The following MAML2 variants were observed in gnomAD, a reference collection of about 807,000 sequenced individuals.
MAML2 encodes the protein mastermind-like protein 2.
MAML2 carries 22 observed loss-of-function variants against 96.1 expected under a neutral mutation model. The ratio of observed to expected loss-of-function variants is 0.23; its 90% CI spans 0.16 to 0.33. The LOEUF (loss-of-function observed/expected upper bound fraction) is 0.33. Ranked by LOEUF, MAML2 falls within the 10% of genes least tolerant of loss-of-function variation. The pLI is 1.00. For synonymous variants in MAML2, 561 were observed against 521.3 expected, an observed-to-expected ratio of 1.08 and a Z score of -1.04; for missense variants, 1,367 against 1,392.4, an observed-to-expected ratio of 0.98 and a Z score of 0.29.
At chr11:96,027,524 A>G (rs903521852) in intron 2 of MAML2, among the ~76,000 whole-genome samples, 2 of 152,104 alleles carry the variant, frequency 1.3e-5, no homozygotes, top group African/African-American at 4.8e-5. Context: ...AATAAACACA[A>G]TGTGAAAAGT....
Position 96,243,747 on chromosome 11 carries a change from A to G in MAML2, c.513+97636T>C, listed in dbSNP as rs570551687. On this transcript the variant is annotated intron_variant, in intron 1 of 4. Coordinates refer to ENST00000524717, the MANE Select transcript of MAML2 (RefSeq NM_032427.4). ...TGTCTCACTGCAAGCTCCGCCTCCC[A>G]GGTTCATGCCATTCTCCTGCCTCAG... Among the ~76,000 whole-genome samples, 22 of 145,162 alleles carry G rather than the reference A, an allele frequency of 1.5e-4. 1 individual carries two copies. In the South Asian group the frequency reaches 2.1e-3, roughly 14 times the overall value.
intron 1 of MAML2, among the ~76,000 whole-genome samples, chr11:96,210,238 T>C (rs1469224955): frequency 6.6e-6 from 1 of 152,110 alleles, no homozygotes; most frequent in Non-Finnish European, 1.5e-5. Flanking sequence ...GCCTCTCAAA[T>C]AGCTGGGATT....
intron 1 of MAML2, among the ~76,000 whole-genome samples, chr11:96,153,777 G>A (rs1409106020): frequency 6.6e-6 from 1 of 152,060 alleles, no homozygotes; most frequent in African/African-American, 2.4e-5. Context: ...TGTGTGTGGT[G>A]GCACACACCT....
At chr11:96,149,831 CCTT>C (rs1860891531) in intron 1 of MAML2, among the ~76,000 whole-genome samples, 2 of 152,042 alleles carry the variant, frequency 1.3e-5, no homozygotes, top group Non-Finnish European at 1.5e-5. Context: ...CTCTCGGTCT[CCTT>C]CTCCTTCTCT....
At chr11:96,071,960 A>G (rs1190834392) in intron 2 of MAML2, among the ~76,000 whole-genome samples, 1 of 152,212 alleles carries the variant, frequency 6.6e-6, no homozygotes, top group Non-Finnish European at 1.5e-5. Context: ...GTCCGTCTTC[A>G]GTTATCTTGA....
intron 2 of MAML2, among the ~76,000 whole-genome samples, chr11:96,029,058 A>G (rs1441900972): frequency 6.6e-6 from 1 of 152,118 alleles, no homozygotes; most frequent in Non-Finnish European, 1.5e-5. Flanking sequence ...AAACATTTTG[A>G]ACTGAATTTT....
chr11:96,147,685 A>G (rs1451521612), intron 1 of MAML2, among the ~76,000 whole-genome samples: 3 of 152,262 alleles, frequency 2.0e-5, no homozygotes, highest in Non-Finnish European at 2.9e-5. Context: ...TTTCTGGCTA[A>G]AACCCTTCTT....
chr11:96,021,636 G>A (rs571852195), intron 2 of MAML2, among the ~76,000 whole-genome samples: 66 of 152,278 alleles, frequency 4.3e-4, no homozygotes, highest in Admixed American at 2.2e-3. Flanking sequence ...CTGGTACAGC[G>A]GCTGGCAATG....
Position 96,342,537 on chromosome 11 carries a change from T to G in MAML2, c.-642A>C. 1 of 397,840 alleles carries G rather than the reference T, an allele frequency of 2.5e-6. No homozygotes were observed. The highest frequency in any genetic ancestry group is 6.3e-4 in the Middle Eastern group (1 of 1,586). The allele number at this position is 397,840 out of a possible 1,614,324, so 24.6% of individuals were successfully genotyped here. A position where few individuals can be genotyped will look rare whatever the true frequency, so the allele number is the denominator to read the frequency against. On this transcript the variant is annotated 5_prime_UTR_variant, in exon 1 of 5. Coordinates refer to ENST00000524717, the MANE Select transcript of MAML2 (RefSeq NM_032427.4). ...TGTGCAAAAATCAAGGGAGACTGTC[T>G]TTTGGCTTTTAATTTTTCCTCCCTT...
At chr11:96,283,482 C>G (rs940046642) in intron 1 of MAML2, among the ~76,000 whole-genome samples, 2 of 152,202 alleles carry the variant, frequency 1.3e-5, no homozygotes, top group Admixed American at 1.3e-4. Flanking sequence ...GTGCTACAAT[C>G]TTTTTCTCCA....
At chr11:96,123,530 C>T (rs141023518) in intron 1 of MAML2, among the ~76,000 whole-genome samples, 1 of 152,342 alleles carries the variant, frequency 6.6e-6, no homozygotes, top group African/African-American at 2.4e-5. Context: ...GTGCCCCCAA[C>T]TAGGCTACGG....
chr11:96,151,015 A>G (rs1394889335), intron 1 of MAML2, among the ~76,000 whole-genome samples: 5 of 152,244 alleles, frequency 3.3e-5, no homozygotes, highest in Admixed American at 6.5e-5. Flanking sequence ...AATGCACATT[A>G]AAGTCTGAAA....
At chr11:96,058,526 G>T (rs990451628) in intron 2 of MAML2, among the ~76,000 whole-genome samples, 1 of 152,052 alleles carries the variant, frequency 6.6e-6, no homozygotes, top group African/African-American at 2.4e-5. Flanking sequence ...TCACCATATT[G>T]GCCAGGCTGG....
intron 1 of MAML2, among the ~76,000 whole-genome samples, chr11:96,107,345 T>A (rs1445735098): frequency 6.6e-6 from 1 of 152,188 alleles, no homozygotes; most frequent in East Asian, 1.9e-4. Flanking sequence ...CTCAGTCTCC[T>A]CCTCTGAATA....
intron 2 of MAML2, among the ~76,000 whole-genome samples, chr11:96,076,296 C>G (rs573664666): frequency 6.6e-6 from 1 of 152,120 alleles, no homozygotes; most frequent in Non-Finnish European, 1.5e-5. Flanking sequence ...GAGAGACACA[C>G]CAACCTTGGA....
intron 1 of MAML2, among the ~76,000 whole-genome samples, chr11:96,171,338 T>C (rs886260964): frequency 2.6e-5 from 4 of 152,132 alleles, no homozygotes; most frequent in African/African-American, 4.8e-5. Flanking sequence ...TTCTCTGTCT[T>C]ATTCCCCTCG....
intron 2 of MAML2, among the ~76,000 whole-genome samples, chr11:96,016,585 G>A (rs1858356275): frequency 6.6e-6 from 1 of 152,134 alleles, no homozygotes; most frequent in Non-Finnish European, 1.5e-5. Flanking sequence ...TCAGATTCTA[G>A]GAGGAACACT....
At chr11:96,139,046 C>A (rs979295445) in intron 1 of MAML2, among the ~76,000 whole-genome samples, 1 of 152,164 alleles carries the variant, frequency 6.6e-6, no homozygotes, top group Admixed American at 6.5e-5. Flanking sequence ...TTGATACTTA[C>A]AATACCTTAC....
At chr11:96,159,186 A>T (rs1284655598) in intron 1 of MAML2, among the ~76,000 whole-genome samples, 1 of 152,234 alleles carries the variant, frequency 6.6e-6, no homozygotes, top group African/African-American at 2.4e-5. Context: ...TAGATGGCAC[A>T]GTCCCTTTTG....
Sources: allele counts gnomAD v4.1 joint callset (sites outside exome capture counted in the v4.1 genomes callset), GRCh38; gene constraint gnomAD v4.1.1; transcripts MANE v1.5; gene names NCBI Gene and HGNC (gene_info 2026-07-23, HGNC 2026-07-21).